Variants in SERPINB11 observed in about 807,000 individuals in gnomAD.
SERPINB11 encodes serpin family B member 11.
A neutral mutation model predicts 36.7 loss-of-function variants in SERPINB11; 32 were observed. The ratio of observed to expected loss-of-function variants is 0.87; its 90% CI spans 0.66 to 1.17. The LOEUF is 1.17. Among genes scored for constraint, SERPINB11 ranks in the 50% most tolerant of loss-of-function variants. SERPINB11 has a pLI of 0.00. For missense variants in SERPINB11, 528 were observed against 458.4 expected, an observed-to-expected ratio of 1.15 and a Z score of -1.39; for synonymous variants, 174 against 168.1, an observed-to-expected ratio of 1.04 and a Z score of -0.27.
Position 63,723,031 on chromosome 18 carries a change from T to G in SERPINB11, c.811T>G (p.Trp271Gly), listed in dbSNP as rs1914856325. The G allele has an allele frequency of 6.3e-7, 1 of 1,591,298 alleles. No homozygotes were observed. Among genetic ancestry groups the G allele is most frequent in the Admixed American group, 1.8e-5 (1 of 56,168 alleles). Residue 271 changes from tryptophan (W) to glycine (G), a missense_variant, in exon 8 of 8, where the codon TGG becomes GGG. Coordinates refer to ENST00000544088, the MANE Select transcript of SERPINB11 (RefSeq NM_001370475.1). Reference protein sequence around the residue: ...KQLNSGTFHEWTSSSNMMERE... With the variant: ...KQLNSGTFHEGTSSSNMMERE... ...GCTGAATTCGGGGACGTTTCATGAG[T>G]GGACAAGCTCTTCTAACATGATGGA...
At position 63,704,327 on chromosome 18, in the gene SERPINB11, C is replaced by G. The variant is rs78256276; in HGVS notation, c.-16+1321C>G. Among the ~76,000 whole-genome samples the G allele has an allele frequency of 9.1e-3, 1,386 of 152,248 alleles. 28 individuals are homozygous for G. Among genetic ancestry groups the G allele is most frequent in the African/African-American group, 0.032 (1,318 of 41,566 alleles). ...CCTCTGCACATGAAAAGACAATCAC[C>G]CAGATGTAGAGGGAATTGTCAATAA... On this transcript the variant is annotated intron_variant, in intron 1 of 7. Transcript: ENST00000544088.
intron 1 of SERPINB11, among the ~76,000 whole-genome samples, chr18:63,708,967 G>C (rs1291273456): frequency 6.6e-6 from 1 of 152,216 alleles, no homozygotes; most frequent in African/African-American, 2.4e-5. Context: ...GGAAGGAAGT[G>C]TTTGATGGCA....
At position 63,712,594 on chromosome 18, in the gene SERPINB11, G is replaced by C. The variant is rs986660921; in HGVS notation, c.258G>C (p.Glu86Asp). The change falls in exon 4 of 8, where the codon GAG becomes GAC. Residue 86 changes from glutamate to aspartate, a missense_variant. By Grantham distance (45) the Glu-to-Asp change is conservative. Coordinates refer to ENST00000544088, the MANE Select transcript of SERPINB11 (RefSeq NM_001370475.1). ...KCSQAGRIHS[E>D]FGVEFSQINQ... The stretch of plus-strand genomic sequence containing the variant: ...GCCAAGCTGGAAGAATTCATTCCGA[G>C]TTTGGTGTCGAATTCTCTCAAATCA... 4 of 1,613,654 alleles carry C rather than the reference G, an allele frequency of 2.5e-6. No individual in the cohort carries two copies. The highest frequency in any genetic ancestry group is 1.6e-4 in the Middle Eastern group (1 of 6,084).
At chr18:63,719,715 G>A (rs1914754603) in intron 5 of SERPINB11, among the ~76,000 whole-genome samples, 1 of 152,062 alleles carries the variant, frequency 6.6e-6, no homozygotes, top group African/African-American at 2.4e-5. Context: ...TAAATAAGCA[G>A]TGATGTATAA....
At chr18:63,722,855 C>T in intron 7 of SERPINB11, 140 bp from the exon 8 acceptor site, 3 of 779,208 alleles carry the variant, frequency 3.9e-6, no homozygotes, top group Non-Finnish European at 5.7e-6. Flanking sequence ...TGATTTTGTT[C>T]CCAGGTAAGT....
chr18:63,715,934 C>T, intron 4 of SERPINB11, 101 bp from the exon 5 acceptor site: 1 of 648,330 alleles, frequency 1.5e-6, no homozygotes, highest in East Asian at 3.0e-5. Flanking sequence ...ATGGGAACTG[C>T]TTTTTTCTCT....
intron 1 of SERPINB11, among the ~76,000 whole-genome samples, chr18:63,708,021 T>G (rs1581425): frequency 2.0e-5 from 3 of 151,936 alleles, no homozygotes; most frequent in Non-Finnish European, 1.5e-5. Context: ...GAATGAGCCA[T>G]TCAAATATCT....
chr18:63,710,377 G>C lies in SERPINB11; in HGVS notation c.168+16G>C, dbSNP rs768430511. On this transcript the variant is annotated intron_variant, in intron 2 of 7. Transcript: ENST00000544088. ...ATTGGAGAAGGTATGGAATTCCTCA[G>C]AGGTTTGTTCAGAACCCAGAAGTCT... 4 of 1,604,446 alleles carry C rather than the reference G, an allele frequency of 2.5e-6. No individual in the cohort carries two copies. Among genetic ancestry groups the C allele is most frequent in the Non-Finnish European group, 3.4e-6 (4 of 1,175,632 alleles).
chr18:63,710,722 A>T (rs1047594219), intron 2 of SERPINB11, among the ~76,000 whole-genome samples: 1 of 152,244 alleles, frequency 6.6e-6, no homozygotes, highest in Non-Finnish European at 1.5e-5. Context: ...TTTAGACATT[A>T]CCAAGTTAAA....
Position 63,720,996 on chromosome 18 carries a change from T to C in SERPINB11, c.774+10T>C. 6.2e-7 allele frequency: 1 copy of C among 1,601,260 alleles called. No individual in the cohort carries two copies. Among genetic ancestry groups the C allele is most frequent in the Non-Finnish European group, 8.5e-7 (1 of 1,173,496 alleles). ...AGCTAATCTGAAACAGGTAAAATTA[T>C]AAGAATGCTATAATGCAGTTAAAGC... On this transcript the variant is annotated intron_variant, in intron 7 of 7. Transcript: ENST00000544088.
At chr18:63,719,992 T>C (rs1200516396) in intron 5 of SERPINB11, 21 bp from the exon 6 acceptor site, 2 of 1,573,590 alleles carry the variant, frequency 1.3e-6, no homozygotes, top group Non-Finnish European at 1.7e-6. Flanking sequence ...CCAAATATAA[T>C]TATCTTATTT....
At chr18:63,721,530 G>T (rs115297674) in intron 7 of SERPINB11, among the ~76,000 whole-genome samples, 2,692 of 152,314 alleles carry the variant, frequency 0.018, 84 homozygotes, top group African/African-American at 0.061. Context: ...AGCAGGCTGT[G>T]CTTCTAACAG....
chr18:63,713,727 G>A (rs1490252637), intron 4 of SERPINB11, among the ~76,000 whole-genome samples: 2 of 152,108 alleles, frequency 1.3e-5, no homozygotes, highest in Non-Finnish European at 2.9e-5. Flanking sequence ...TAACAATCAC[G>A]GTCCTTTGAG....
intron 3 of SERPINB11, among the ~76,000 whole-genome samples, 154 bp from the exon 4 acceptor site, chr18:63,712,411 A>C (rs1010742629): frequency 4.6e-5 from 7 of 152,248 alleles, no homozygotes; most frequent in African/African-American, 1.4e-4. Flanking sequence ...ATGTGCTAGC[A>C]AAAATCCAAG....
Position 63,723,467 on chromosome 18 carries a change from G to C in SERPINB11, c.*68G>C. The C allele has an allele frequency of 1.4e-6, 2 of 1,464,500 alleles. No homozygotes were observed. Among genetic ancestry groups the C allele is most frequent in the Non-Finnish European group, 1.8e-6 (2 of 1,084,030 alleles). The allele number at this position is 1,464,500 out of a possible 1,614,324, so 90.7% of individuals were successfully genotyped here. On this transcript the variant is annotated 3_prime_UTR_variant, in exon 8 of 8. Transcript: ENST00000544088. The stretch of plus-strand genomic sequence containing the variant: ...AGAGACAATCCTGTGACTTTCCCAC[G>C]GCCAAAAAGCTGTTCACACCTCACA...
chr18:63,710,361 G>C lies in SERPINB11; in HGVS notation c.168G>C (p.Lys56Asn). 1 of 1,608,868 alleles carries C rather than the reference G, an allele frequency of 6.2e-7. No homozygotes were observed. The highest frequency in any genetic ancestry group is 8.5e-7 in the Non-Finnish European group (1 of 1,177,860). The change falls in exon 2 of 8, where the codon AAG becomes AAC. Residue 56 changes from lysine to asparagine, a missense_variant and splice_region_variant. Physicochemically the swap from Lys to Asn is moderately conservative, Grantham distance 94. Coordinates refer to ENST00000544088, the MANE Select transcript of SERPINB11 (RefSeq NM_001370475.1). ...ARGETEEQLEKVLHFSHTVDS... is the reference protein window; with the variant it reads ...ARGETEEQLENVLHFSHTVDS... Reference sequence around the variant, plus strand: ...GAGAGACTGAAGAGCAATTGGAGAAGGTATGGAATTCCTCAGAGGTTTGTT... The same window carrying C: ...GAGAGACTGAAGAGCAATTGGAGAACGTATGGAATTCCTCAGAGGTTTGTT...
Position 63,723,179 on chromosome 18 carries a change from T to A in SERPINB11, c.959T>A (p.Met320Lys). ...FNQVKADLSG[M>K]SPTKGLYLSK... is the part of the protein sequence containing the mutation. The stretch of plus-strand genomic sequence containing the variant: ...CAGGTCAAAGCTGATCTTTCTGGAA[T>A]GTCACCAACCAAGGGCCTATATTTA... The change falls in exon 8 of 8, where the codon ATG becomes AAG. Residue 320 changes from methionine to lysine, a missense_variant. Physicochemically the swap from Met to Lys is moderately conservative, Grantham distance 95. Coordinates refer to ENST00000544088, the MANE Select transcript of SERPINB11 (RefSeq NM_001370475.1). The A allele has an allele frequency of 6.2e-7, 1 of 1,613,256 alleles. No homozygotes were observed. The highest frequency in any genetic ancestry group is 8.5e-7 in the Non-Finnish European group (1 of 1,179,544).
chr18:63,713,385 A>G (rs1439527420), intron 4 of SERPINB11, among the ~76,000 whole-genome samples: 1 of 152,192 alleles, frequency 6.6e-6, no homozygotes, highest in African/African-American at 2.4e-5. Context: ...ACATATTTAA[A>G]TGGCAAAACC....
chr18:63,707,283 A>C (rs1376306893), intron 1 of SERPINB11, among the ~76,000 whole-genome samples: 1 of 152,192 alleles, frequency 6.6e-6, no homozygotes, highest in African/African-American at 2.4e-5. Flanking sequence ...AGAGAGAAGA[A>C]GAGAAGGAGA....
Sources: gnomAD v4.1 joint callset for allele counts (sites outside exome capture counted in the v4.1 genomes callset) on GRCh38, gnomAD v4.1.1 for gene constraint, MANE v1.5 for transcripts, NCBI Gene and HGNC (gene_info 2026-07-23, HGNC 2026-07-21) for gene names.